The following LINGO1 variants were observed in gnomAD, a reference collection of about 807,000 sequenced individuals.
LINGO1 encodes the protein leucine rich repeat and Ig domain containing 1, also known as leucine-rich repeat and immunoglobulin-like domain-containing nogo receptor-interacting protein 1.
A neutral mutation model predicts 37.3 loss-of-function variants in LINGO1; 11 were observed. That is an observed-to-expected ratio of 0.29 (90% confidence interval 0.19 to 0.49). LINGO1 has a LOEUF of 0.49. Ranked by LOEUF, LINGO1 falls within the 20% of genes least tolerant of loss-of-function variation. The pLI is 0.99. For synonymous variants in LINGO1, 387 were observed against 403.0 expected, an observed-to-expected ratio of 0.96 and a Z score of 0.48; for missense variants, 585 against 878.2, an observed-to-expected ratio of 0.67 and a Z score of 4.22.
intron 1 of LINGO1, among the ~76,000 whole-genome samples, chr15:77,617,191 C>T (rs62009128): frequency 0.016 from 2,469 of 152,234 alleles, 17 homozygotes; most frequent in Non-Finnish European, 0.025. Flanking sequence ...TATGCGGGAG[C>T]CTCCGTGACC....
intron 1 of LINGO1, among the ~76,000 whole-genome samples, chr15:77,738,520 A>G (rs2076224912): frequency 6.6e-6 from 1 of 152,124 alleles, no homozygotes; most frequent in Non-Finnish European, 1.5e-5. Context: ...TAGGCACCCT[A>G]GGTAAAATGC....
chr15:77,705,349 C>T (rs969577161), intron 2 of LINGO1, among the ~76,000 whole-genome samples: 10 of 152,158 alleles, frequency 6.6e-5, no homozygotes, highest in Non-Finnish European at 7.4e-5. Flanking sequence ...CCTGGAATGC[C>T]GGAAGGAAAG....
intron 1 of LINGO1, among the ~76,000 whole-genome samples, chr15:77,741,131 G>A (rs1256795226): frequency 6.6e-6 from 1 of 152,262 alleles, no homozygotes; most frequent in African/African-American, 2.4e-5. Context: ...GGCACCTGAA[G>A]TGCTTCTCCA....
intron 1 of LINGO1, among the ~76,000 whole-genome samples, chr15:77,630,734 G>A (rs2074230280): frequency 6.6e-6 from 1 of 152,190 alleles, no homozygotes; most frequent in Non-Finnish European, 1.5e-5. Flanking sequence ...GGGGTGAGGA[G>A]GGGGGCAGAG....
intron 1 of LINGO1, among the ~76,000 whole-genome samples, chr15:77,796,219 C>T (rs2076871765): frequency 1.3e-5 from 2 of 152,076 alleles, no homozygotes; most frequent in African/African-American, 4.8e-5. Context: ...CTTGCACACA[C>T]TCACACATGT....
chr15:77,773,667 C>T (rs1322425028), intron 1 of LINGO1, among the ~76,000 whole-genome samples: 1 of 152,220 alleles, frequency 6.6e-6, no homozygotes, highest in Non-Finnish European at 1.5e-5. Context: ...CCGCCCAGCA[C>T]TGATACACAG....
intron 2 of LINGO1, among the ~76,000 whole-genome samples, chr15:77,717,949 T>C (rs534618602): frequency 4.6e-5 from 7 of 151,012 alleles, no homozygotes; most frequent in Middle Eastern, 3.4e-3. Flanking sequence ...AAGCAGGTGA[T>C]ACAGCCTCTG....
At chr15:77,797,081 C>T (rs865887670) in intron 1 of LINGO1, among the ~76,000 whole-genome samples, 3 of 152,268 alleles carry the variant, frequency 2.0e-5, no homozygotes, top group South Asian at 2.1e-4. Flanking sequence ...TAGGGGAGGG[C>T]GCTAGGAAGT....
chr15:77,695,833 C>T (rs1297540641), intron 1 of LINGO1: 1 of 151,858 alleles, frequency 6.6e-6, no homozygotes, highest in East Asian at 1.9e-4. Context: ...CCAGAGCATG[C>T]AAGGTTTAAG....
intron 3 of LINGO1, among the ~76,000 whole-genome samples, chr15:77,665,340 C>G (rs2075106747): frequency 6.6e-6 from 1 of 152,192 alleles, no homozygotes; most frequent in Non-Finnish European, 1.5e-5. Flanking sequence ...TGTACCCTGA[C>G]AGCTAGAGCC....
At chr15:77,780,852 G>A (rs1320998405) in intron 1 of LINGO1, among the ~76,000 whole-genome samples, 3 of 150,716 alleles carry the variant, frequency 2.0e-5, no homozygotes, top group Non-Finnish European at 2.9e-5. Flanking sequence ...CTCTGACCCC[G>A]ACCATGCCGG....
At chr15:77,620,310 C>T (rs1381674513) in intron 1 of LINGO1, among the ~76,000 whole-genome samples, 1 of 152,014 alleles carries the variant, frequency 6.6e-6, no homozygotes, top group Non-Finnish European at 1.5e-5. Context: ...GAGAGCTGTG[C>T]CTGGGGCACC....
intron 2 of LINGO1, among the ~76,000 whole-genome samples, chr15:77,716,265 T>TTTC (rs201209680): frequency 0.073 from 10,096 of 137,508 alleles, 772 homozygotes; most frequent in Middle Eastern, 0.12. Flanking sequence ...GGCTATTTTC[T>TTTC]TTCTTCTTCT....
intron 1 of LINGO1, among the ~76,000 whole-genome samples, chr15:77,776,284 A>C (rs1006840323): frequency 6.6e-6 from 1 of 152,074 alleles, no homozygotes; most frequent in African/African-American, 2.4e-5. Context: ...CTGTTTGGGC[A>C]CATTAAGGCA....
At chr15:77,778,336 C>T (rs1444936458) in intron 1 of LINGO1, among the ~76,000 whole-genome samples, 1 of 152,238 alleles carries the variant, frequency 6.6e-6, no homozygotes, top group Admixed American at 6.5e-5. Flanking sequence ...TTAACCACCA[C>T]TCTGCAAAGA....
chr15:77,723,023 A>G (rs905937333), intron 2 of LINGO1, among the ~76,000 whole-genome samples: 9 of 152,178 alleles, frequency 5.9e-5, no homozygotes, highest in Non-Finnish European at 1.2e-4. Flanking sequence ...GGACCAGCAC[A>G]CTTGCAGGCT....
At chr15:77,660,038 T>G (rs2074953844) in intron 3 of LINGO1, 1 of 152,226 alleles carries the variant, frequency 6.6e-6, no homozygotes, top group Non-Finnish European at 1.5e-5. Flanking sequence ...CCCTACACTA[T>G]GCTCCAGGAA....
intron 3 of LINGO1, among the ~76,000 whole-genome samples, chr15:77,640,393 A>T (rs1412236899): frequency 6.6e-6 from 1 of 152,190 alleles, no homozygotes; most frequent in African/African-American, 2.4e-5. Flanking sequence ...GGCTCAAATC[A>T]CGGACAGACA....
chr15:77,643,589 G>A (rs964090809), intron 3 of LINGO1, among the ~76,000 whole-genome samples: 8 of 152,180 alleles, frequency 5.3e-5, no homozygotes, highest in Admixed American at 3.9e-4. Context: ...TGCCATTCTC[G>A]GGCATGCCAT....
Sources: gnomAD v4.1 joint callset for allele counts (sites outside exome capture counted in the v4.1 genomes callset) on GRCh38, gnomAD v4.1.1 for gene constraint, MANE v1.5 for transcripts, NCBI Gene and HGNC (gene_info 2026-07-23, HGNC 2026-07-21) for gene names.